Variants in SLC9A9 observed in about 807,000 individuals in gnomAD.
SLC9A9 encodes solute carrier family 9 member A9, also known as sodium/hydrogen exchanger 9.
In SLC9A9, 62 loss-of-function variants were observed where a neutral mutation model predicts 77.8. That is an observed-to-expected ratio of 0.80 (90% CI 0.65 to 0.98). SLC9A9 has a LOEUF of 0.98. SLC9A9 is among the 50% of genes least tolerant of loss of function. The pLI, the probability that SLC9A9 is intolerant of heterozygous loss-of-function variation, is 0.00. For missense variants in SLC9A9, 775 were observed against 774.9 expected (o/e 1.00, Z 0.00); for synonymous variants, 320 against 283.5 (o/e 1.13, Z -1.29).
intron 6 of SLC9A9, among the ~76,000 whole-genome samples, chr3:143,622,948 G>C (rs2038247937): frequency 6.6e-6 from 1 of 152,024 alleles, no homozygotes; most frequent in African/African-American, 2.4e-5. Flanking sequence ...AACAAAGAAA[G>C]GCAGCTGTTG....
chr3:143,574,176 C>G lies in SLC9A9; in HGVS notation c.912G>C (p.Lys304Asn). Reference protein sequence around the residue: ...IITALLTKFTKLCEFPMLETG... With the variant: ...IITALLTKFTNLCEFPMLETG... ...TTTCCAGCATCGGGAACTCACACAG[C>G]TTGGTAAATTTGGTCAAGTGAGGAA... The change falls in exon 8 of 16, where the codon AAG becomes AAC. Residue 304 changes from lysine to asparagine, a missense_variant. Physicochemically the swap from Lys to Asn is moderately conservative, Grantham distance 94 (BLOSUM62 0). Coordinates refer to ENST00000316549, the MANE Select transcript of SLC9A9 (RefSeq NM_173653.4). 1.2e-6 allele frequency: 2 copies of G among 1,613,184 alleles called. No individual in the cohort carries two copies. The highest frequency in any genetic ancestry group is 1.7e-6 in the Non-Finnish European group (2 of 1,179,424).
chr3:143,537,768 A>G (rs182583398), intron 9 of SLC9A9, among the ~76,000 whole-genome samples: 91 of 152,226 alleles, frequency 6.0e-4, no homozygotes, highest in Admixed American at 5.9e-3. Context: ...TTTACCATTT[A>G]GTGCCTCCCT....
intron 5 of SLC9A9, among the ~76,000 whole-genome samples, chr3:143,658,283 G>T (rs369962901): frequency 1.3e-5 from 2 of 152,306 alleles, no homozygotes; most frequent in South Asian, 4.1e-4. Flanking sequence ...TAAGGCATTT[G>T]TTATATGTAA....
At chr3:143,267,166 A>G (rs1937749933) in intron 15 of SLC9A9, among the ~76,000 whole-genome samples, 2 of 152,084 alleles carry the variant, frequency 1.3e-5, no homozygotes, top group African/African-American at 4.8e-5. Flanking sequence ...GAGGTGTTAA[A>G]GAGCATGGTA....
chr3:143,763,139 C>T lies in SLC9A9; in HGVS notation c.533+31862G>A, dbSNP rs560223938. Among the ~76,000 whole-genome samples, 6 of 152,244 alleles carry T rather than the reference C, an allele frequency of 3.9e-5. No individual in the cohort carries two copies. In the East Asian group the frequency reaches 9.7e-4, roughly 25 times the overall value. On this transcript the variant is annotated intron_variant, in intron 4 of 15. Coordinates refer to ENST00000316549, the MANE Select transcript of SLC9A9 (RefSeq NM_173653.4). ...CTGCTTAGGCTTTTGGTGGCAGCTT[C>T]TAGTGGCTCTCTTACCCAGTGTGCA...
intron 3 of SLC9A9, among the ~76,000 whole-genome samples, chr3:143,795,654 A>G (rs555893571): frequency 6.6e-6 from 1 of 152,308 alleles, no homozygotes; most frequent in African/African-American, 2.4e-5. Context: ...GTTTGAGTAC[A>G]GGAGGTCGAA....
chr3:143,722,833 T>C (rs571221894), intron 4 of SLC9A9, among the ~76,000 whole-genome samples: 1 of 152,350 alleles, frequency 6.6e-6, no homozygotes, highest in African/African-American at 2.4e-5. Flanking sequence ...CAATTATTTC[T>C]GATAATTCCT....
intron 4 of SLC9A9, among the ~76,000 whole-genome samples, chr3:143,695,114 T>C (rs535523521): frequency 2.6e-5 from 4 of 152,150 alleles, no homozygotes; most frequent in Admixed American, 6.6e-5. Context: ...GGTTACCAGG[T>C]GCACAGTCTC....
At chr3:143,351,878 T>C (rs1374371947) in intron 14 of SLC9A9, among the ~76,000 whole-genome samples, 1 of 152,110 alleles carries the variant, frequency 6.6e-6, no homozygotes, top group Non-Finnish European at 1.5e-5. Flanking sequence ...ATTACCATAA[T>C]GTTCATCTTC....
At chr3:143,753,266 A>T (rs1446183915) in intron 4 of SLC9A9, among the ~76,000 whole-genome samples, 1 of 151,528 alleles carries the variant, frequency 6.6e-6, no homozygotes, top group Non-Finnish European at 1.5e-5. Context: ...GGCCTGCATG[A>T]AAAAAAAAGT....
chr3:143,720,564 G>A (rs1934470081), intron 4 of SLC9A9, among the ~76,000 whole-genome samples: 1 of 152,144 alleles, frequency 6.6e-6, no homozygotes, highest in South Asian at 2.1e-4. Flanking sequence ...AGGAAACCAA[G>A]CTTTCTTCCC....
At chr3:143,801,813 C>T (rs1487179977) in intron 2 of SLC9A9, among the ~76,000 whole-genome samples, 2 of 152,216 alleles carry the variant, frequency 1.3e-5, no homozygotes, top group Non-Finnish European at 2.9e-5. Context: ...AAAGGGATTA[C>T]ATGTCAATAT....
chr3:143,500,515 GTA>G (rs2035907251), intron 9 of SLC9A9, among the ~76,000 whole-genome samples: 1 of 151,644 alleles, frequency 6.6e-6, no homozygotes, highest in South Asian at 2.1e-4. Context: ...TTTTTATTTA[GTA>G]TCTTGATCCT....
At chr3:143,444,151 G>A (rs1402547455) in intron 12 of SLC9A9, among the ~76,000 whole-genome samples, 3 of 152,136 alleles carry the variant, frequency 2.0e-5, no homozygotes, top group Non-Finnish European at 4.4e-5. Context: ...AAATGCTTTG[G>A]AATCAGCTTC....
intron 14 of SLC9A9, among the ~76,000 whole-genome samples, chr3:143,326,418 C>T (rs2031604184): frequency 6.6e-6 from 1 of 152,140 alleles, no homozygotes; most frequent in Non-Finnish European, 1.5e-5. Context: ...GATCTGTCTG[C>T]CTCATTGCTT....
At chr3:143,292,303 G>A (rs965685726) in intron 14 of SLC9A9, among the ~76,000 whole-genome samples, 3 of 152,202 alleles carry the variant, frequency 2.0e-5, no homozygotes, top group Admixed American at 1.3e-4. Context: ...GGCATGAAAT[G>A]AATTATGAAA....
chr3:143,790,567 G>A (rs1274104959), intron 4 of SLC9A9, among the ~76,000 whole-genome samples: 2 of 152,154 alleles, frequency 1.3e-5, no homozygotes, highest in African/African-American at 4.8e-5. Flanking sequence ...TTAGGAGGAG[G>A]AGAAGGACAA....
In SLC9A9 at chr3:143,683,286, G is replaced by T. The variant is rs529729246; in HGVS notation, c.649+9906C>A. Among the ~76,000 whole-genome samples the T allele has an allele frequency of 5.9e-5, 9 of 152,138 alleles. No individual in the cohort carries two copies. The South Asian group carries it at 1.7e-3, about 28-fold the overall frequency. On this transcript the variant is annotated intron_variant, in intron 5 of 15. Coordinates refer to ENST00000316549, the MANE Select transcript of SLC9A9 (RefSeq NM_173653.4). ...CATTCTTGCAAAAACTGAGGAATTC[G>T]AATCTAAGTAATCAGGACTCTCTGA...
intron 11 of SLC9A9, among the ~76,000 whole-genome samples, chr3:143,491,177 A>G (rs2035738579): frequency 6.6e-6 from 1 of 152,146 alleles, no homozygotes; most frequent in Non-Finnish European, 1.5e-5. Context: ...TGGACATCAG[A>G]GTCATATGTA....
Sources: allele counts gnomAD v4.1 joint callset (sites outside exome capture counted in the v4.1 genomes callset), GRCh38; gene constraint gnomAD v4.1.1; transcripts MANE v1.5; gene names NCBI Gene and HGNC (gene_info 2026-07-23, HGNC 2026-07-21).